The following TET1 variants were observed in gnomAD, a reference collection of about 807,000 sequenced individuals.
TET1 encodes methylcytosine dioxygenase TET1.
In TET1, 13 loss-of-function variants were observed where a neutral mutation model predicts 148.7. The ratio of observed to expected loss-of-function variants is 0.09; its 90% CI spans 0.06 to 0.14. The LOEUF (loss-of-function observed/expected upper bound fraction) is 0.14. TET1 is among the 10% of genes least tolerant of loss of function. The pLI is 1.00. For missense variants in TET1, 2,182 were observed against 2,553.8 expected, an observed-to-expected ratio of 0.85 and a Z score of 3.14; for synonymous variants, 907 against 937.2, an observed-to-expected ratio of 0.97 and a Z score of 0.59.
rs374883938 is a variant in TET1, at chr10:68,576,583, T to C, written c.1914+2331T>C. ...AGGCTGCAGTGAGAGGATCGCCTGA[T>C]CCTGGGAAGTCAAGGCTGCAGTGAA... On this transcript the variant is annotated intron_variant, in intron 2 of 11. Coordinates refer to ENST00000373644, the MANE Select transcript of TET1 (RefSeq NM_030625.3). 1.2e-4 allele frequency among the ~76,000 whole-genome samples: 19 copies of C among 152,084 alleles called. No homozygotes were observed. In the East Asian group the frequency reaches 3.3e-3, roughly 26 times the overall value.
At chr10:68,566,994 C>T (rs571516157) in intron 1 of TET1, among the ~76,000 whole-genome samples, 11 of 152,038 alleles carry the variant, frequency 7.2e-5, no homozygotes, top group African/African-American at 2.7e-4. Context: ...TTGTATTAAA[C>T]ATGAAGAAAC....
rs2055516279 is a variant in TET1 at position 68,686,694 on chromosome 10, A to G, written c.5391A>G (p.Ser1797=). 1 of 1,612,910 alleles carries G rather than the reference A, an allele frequency of 6.2e-7. No individual in the cohort carries two copies. Among genetic ancestry groups the G allele is most frequent in the African/African-American group, 1.3e-5 (1 of 74,990 alleles). The change falls in exon 11 of 12, where the codon TCA becomes TCG. Residue 1797 remains serine, a synonymous_variant. Transcript: ENST00000373644. ...STTTNNSKPS[S]LPTLGSNTET... is the part of the protein sequence containing the mutation. Reference sequence around the variant, plus strand: ...CAACAAACAACAGTAAGCCTTCGTCACTGCCAACCTTAGGTGAGCCCTATG... The same window carrying G: ...CAACAAACAACAGTAAGCCTTCGTCGCTGCCAACCTTAGGTGAGCCCTATG...
intron 2 of TET1, among the ~76,000 whole-genome samples, chr10:68,593,915 ATTT>A (rs3998851): frequency 2.2e-5 from 1 of 44,750 alleles, no homozygotes; most frequent in South Asian, 1.2e-3. Context: ...CGCCTGAGCT[ATTT>A]TTTTTTTTTT....
chr10:68,653,954 T>C (rs757384768), intron 6 of TET1, among the ~76,000 whole-genome samples: 4 of 150,174 alleles, frequency 2.7e-5, no homozygotes, highest in Non-Finnish European at 4.5e-5. Flanking sequence ...TAAAAATACA[T>C]AAATTAGCTG....
At chr10:68,569,010 T>TGTATTG (rs2053636766) in intron 1 of TET1, among the ~76,000 whole-genome samples, 1 of 152,140 alleles carries the variant, frequency 6.6e-6, no homozygotes, top group South Asian at 2.1e-4. Flanking sequence ...ACTCAACAGA[T>TGTATTG]GTATTGGACC....
chr10:68,657,064 T>G (rs2055033702), intron 6 of TET1, among the ~76,000 whole-genome samples: 1 of 145,530 alleles, frequency 6.9e-6, no homozygotes, highest in Admixed American at 6.9e-5. Flanking sequence ...GTGCGGTGGC[T>G]CATTTCTGTA....
intron 2 of TET1, among the ~76,000 whole-genome samples, chr10:68,584,887 C>T (rs1382562627): frequency 1.3e-5 from 2 of 151,284 alleles, no homozygotes; most frequent in African/African-American, 4.9e-5. Context: ...GTGGTGCGAT[C>T]TAAGCTCACT....
intron 1 of TET1, among the ~76,000 whole-genome samples, chr10:68,562,308 T>C (rs747567266): frequency 1.1e-4 from 17 of 152,148 alleles, no homozygotes; most frequent in Non-Finnish European, 2.5e-4. Context: ...GCAACAGTTA[T>C]TTGGAGCACA....
At chr10:68,622,217 CCTTCCCTCCTTCCTCCCT>C (rs1407803108) in intron 3 of TET1, among the ~76,000 whole-genome samples, 16 of 82,086 alleles carry the variant, frequency 1.9e-4, no homozygotes, top group South Asian at 4.3e-4. Context: ...TTCCTTCCTT[CCTTCCCTCCTTCCTCCCT>C]TCCCTCCCTC....
chr10:68,690,578 G>A (rs562337726), intron 11 of TET1, among the ~76,000 whole-genome samples: 93 of 152,080 alleles, frequency 6.1e-4, no homozygotes, highest in Middle Eastern at 3.4e-3. Context: ...GCGAGACTCC[G>A]TCTCCAAAAA....
At chr10:68,656,016 G>A (rs1346762838) in intron 6 of TET1, among the ~76,000 whole-genome samples, 1 of 152,092 alleles carries the variant, frequency 6.6e-6, no homozygotes, top group Admixed American at 6.6e-5. Flanking sequence ...ACATTCAAGG[G>A]ATGTAGGTTG....
At chr10:68,634,303 G>A (rs1045238546) in intron 3 of TET1, among the ~76,000 whole-genome samples, 5 of 152,188 alleles carry the variant, frequency 3.3e-5, no homozygotes, top group African/African-American at 1.2e-4. Context: ...ATATTTTGAA[G>A]AGCAATGCTA....
chr10:68,642,639 C>A (rs1252984948), intron 3 of TET1, among the ~76,000 whole-genome samples: 1 of 151,952 alleles, frequency 6.6e-6, no homozygotes, highest in Non-Finnish European at 1.5e-5. Context: ...AGTTTCACTC[C>A]TATTGCCTAA....
intron 3 of TET1, among the ~76,000 whole-genome samples, chr10:68,621,072 G>A (rs1407264148): frequency 6.6e-6 from 1 of 152,074 alleles, no homozygotes; most frequent in Admixed American, 6.6e-5. Flanking sequence ...ATTTTATTCT[G>A]TTAGTTATGG....
intron 3 of TET1, among the ~76,000 whole-genome samples, chr10:68,640,544 CTTTTTTTT>C (rs60460824): frequency 2.1e-4 from 9 of 42,884 alleles, no homozygotes; most frequent in South Asian, 2.8e-3. Flanking sequence ...TTCTTTCTTT[CTTTTTTTT>C]TTTTTTTTTT....
At chr10:68,596,015 C>CATAT (rs1327782857) in intron 2 of TET1, among the ~76,000 whole-genome samples, 8 of 107,906 alleles carry the variant, frequency 7.4e-5, no homozygotes, top group African/African-American at 2.7e-4. Context: ...CACACACACA[C>CATAT]ACACACACAC....
intron 10 of TET1, 96 bp downstream of exon 10, chr10:68,683,069 A>C (rs1808791658): frequency 7.2e-6 from 10 of 1,386,006 alleles, no homozygotes; most frequent in Non-Finnish European, 8.8e-6. Flanking sequence ...ACTGTGAAAA[A>C]TCTTAATTTA....
intron 4 of TET1, among the ~76,000 whole-genome samples, chr10:68,650,873 C>A (rs7913568): frequency 1.3e-5 from 2 of 151,946 alleles, no homozygotes; most frequent in African/African-American, 4.8e-5. Context: ...AGAAATACGA[C>A]GCAAACATCT....
chr10:68,573,080 G>A lies in TET1; in HGVS notation c.742G>A (p.Val248Met), dbSNP rs780100195. 1.2e-6 allele frequency: 2 copies of A among 1,614,132 alleles called. No homozygotes were observed. Among genetic ancestry groups the A allele is most frequent in the South Asian group, 2.2e-5 (2 of 91,078 alleles). The change falls in exon 2 of 12, where the codon GTG (valine) becomes ATG (methionine). Residue 248 changes from valine to methionine, a missense_variant. By Grantham distance (21) the Val-to-Met change is conservative (BLOSUM62 1). This residue lies in a region of TET1 where 665 missense variants were observed against 672.4 expected (regional missense o/e 0.99). Coordinates refer to ENST00000373644, the MANE Select transcript of TET1 (RefSeq NM_030625.3). The stretch of plus-strand genomic sequence containing the variant: ...CCCAAAAATGTTTGCTCAGGACACA[G>A]TGTGTGCTCCTTTTCCCCAAAGAGC... ...GSPKMFAQDT[V>M]CAPFPQRATP... is the part of the protein sequence containing the mutation.
Sources: gnomAD v4.1 joint callset for allele counts (sites outside exome capture counted in the v4.1 genomes callset) on GRCh38, gnomAD v4.1.1 for gene constraint, gnomAD v4.1.1 regional missense constraint, MANE v1.5 for transcripts, NCBI Gene and HGNC (gene_info 2026-07-23, HGNC 2026-07-21) for gene names.